SFMBT2: variants seen among roughly 807,000 people sequenced by gnomAD.
SFMBT2 encodes the protein Scm like with four mbt domains 2.
SFMBT2 carries 38 observed loss-of-function variants against 110.1 expected under a neutral mutation model. That is an observed-to-expected ratio of 0.35 (90% CI 0.27 to 0.45). SFMBT2 has a LOEUF of 0.45. Among genes scored for constraint, SFMBT2 ranks in the 20% least tolerant of loss-of-function variants. The pLI, the probability that SFMBT2 is intolerant of heterozygous loss-of-function variation, is 1.00. For missense variants in SFMBT2, 1,011 were observed against 1,094.9 expected, an observed-to-expected ratio of 0.92 and a Z score of 1.08; for synonymous variants, 425 against 425.4, an observed-to-expected ratio of 1.00 and a Z score of 0.01.
chr10:7,358,686 G>A (rs372283589), intron 4 of SFMBT2, among the ~76,000 whole-genome samples: 1 of 135,450 alleles, frequency 7.4e-6, no homozygotes, highest in East Asian at 2.0e-4. Flanking sequence ...ACTTGGCCCT[G>A]GAATGGAGGC....
chr10:7,205,748 G>A, intron 12 of SFMBT2, 67 bp downstream of exon 12: 6 of 1,542,672 alleles, frequency 3.9e-6, no homozygotes, highest in Non-Finnish European at 5.3e-6. Flanking sequence ...ATTTCTTTAT[G>A]AAGCTGCCAA....
chr10:7,329,307 G>A (rs1843493168), intron 4 of SFMBT2, among the ~76,000 whole-genome samples: 2 of 152,258 alleles, frequency 1.3e-5, no homozygotes, highest in South Asian at 4.1e-4. Context: ...GCAGAAGGAA[G>A]AGCCTCTGTT....
intron 1 of SFMBT2, among the ~76,000 whole-genome samples, chr10:7,391,868 T>C (rs11255105): frequency 0.026 from 3,923 of 152,300 alleles, 90 homozygotes; most frequent in Non-Finnish European, 0.038. Flanking sequence ...ATTTCTCGCG[T>C]CATTAAGATT....
intron 1 of SFMBT2, among the ~76,000 whole-genome samples, chr10:7,402,984 C>A (rs1846119633): frequency 6.6e-6 from 1 of 152,152 alleles, no homozygotes; most frequent in South Asian, 2.1e-4. Context: ...GGGGAGAAAA[C>A]TGATTTATAT....
intron 9 of SFMBT2, among the ~76,000 whole-genome samples, chr10:7,240,619 G>T (rs553530412): frequency 6.6e-6 from 1 of 151,824 alleles, no homozygotes; most frequent in Non-Finnish European, 1.5e-5. Flanking sequence ...CACTCTCAAC[G>T]GCAATGTCTA....
intron 12 of SFMBT2, chr10:7,203,185 C>T (rs1839014186): frequency 1.1e-6 from 1 of 883,558 alleles, no homozygotes; most frequent in South Asian, 5.2e-5. Flanking sequence ...TCCAACAAAA[C>T]TTCTAAAGCT....
chr10:7,276,805 C>T, intron 7 of SFMBT2, 87 bp downstream of exon 7: 1 of 750,332 alleles, frequency 1.3e-6, no homozygotes, highest in Non-Finnish European at 2.5e-6. Context: ...GGATTACAGG[C>T]ATGAGCCACT....
intron 7 of SFMBT2, among the ~76,000 whole-genome samples, chr10:7,262,995 CT>C (rs1841258626): frequency 6.6e-6 from 1 of 152,162 alleles, no homozygotes; most frequent in African/African-American, 2.4e-5. Flanking sequence ...CAAAGAGATT[CT>C]GTTTAACAAA....
chr10:7,178,227 C>A (rs1473496717), intron 16 of SFMBT2, among the ~76,000 whole-genome samples: 5 of 152,086 alleles, frequency 3.3e-5, no homozygotes, highest in African/African-American at 1.2e-4. Context: ...CCTGCTTGTA[C>A]CTTTCCTTCT....
chr10:7,255,526 C>A (rs1840973255), intron 7 of SFMBT2, among the ~76,000 whole-genome samples: 1 of 152,168 alleles, frequency 6.6e-6, no homozygotes, highest in Non-Finnish European at 1.5e-5. Context: ...TCATCACTAC[C>A]CATTTTTATT....
intron 1 of SFMBT2, among the ~76,000 whole-genome samples, chr10:7,388,818 G>A (rs1485755763): frequency 2.0e-5 from 3 of 152,184 alleles, no homozygotes; most frequent in Non-Finnish European, 4.4e-5. Context: ...CGAGCCCTGC[G>A]TGTCACTCTG....
intron 1 of SFMBT2, among the ~76,000 whole-genome samples, chr10:7,389,193 A>T (rs560697839): frequency 6.6e-6 from 1 of 152,224 alleles, no homozygotes; most frequent in East Asian, 1.9e-4. Context: ...GAGAATAATA[A>T]CCCACTTCAC....
chr10:7,218,643 A>C (rs562917868), intron 11 of SFMBT2, among the ~76,000 whole-genome samples: 1 of 152,358 alleles, frequency 6.6e-6, no homozygotes, highest in African/African-American at 2.4e-5. Context: ...GAATAAGAAA[A>C]AGATCGGACA....
chr10:7,394,402 C>T (rs1845864412), intron 1 of SFMBT2, among the ~76,000 whole-genome samples: 1 of 151,764 alleles, frequency 6.6e-6, no homozygotes, highest in Non-Finnish European at 1.5e-5. Context: ...CTTTTGCTCT[C>T]TCAGCCGACT....
Position 7,201,535 on chromosome 10 carries a change from T to A in SFMBT2, c.1487+945A>T, listed in dbSNP as rs531127505. 1.3e-3 allele frequency among the ~76,000 whole-genome samples: 194 copies of A among 152,246 alleles called. 1 individual carries two copies. Among genetic ancestry groups the A allele is most frequent in the Non-Finnish European group, 2.1e-3 (144 of 68,000 alleles). On this transcript the variant is annotated intron_variant, in intron 13 of 20. Coordinates refer to ENST00000397167, the MANE Select transcript of SFMBT2 (RefSeq NM_001387889.1). Reference sequence around the variant, plus strand: ...ATTTAGAACCAAACCCACAAAAAAATACCTACAGAGCTGCTCTTCTCATTC... The same window carrying A: ...ATTTAGAACCAAACCCACAAAAAAAAACCTACAGAGCTGCTCTTCTCATTC...
At chr10:7,190,764 C>T (rs1838573967) in intron 15 of SFMBT2, among the ~76,000 whole-genome samples, 1 of 152,160 alleles carries the variant, frequency 6.6e-6, no homozygotes. Flanking sequence ...CTGCCCCTGC[C>T]CCCAAACTAA....
At chr10:7,193,289 A>T (rs1440594715) in intron 15 of SFMBT2, among the ~76,000 whole-genome samples, 1 of 152,228 alleles carries the variant, frequency 6.6e-6, no homozygotes, top group Non-Finnish European at 1.5e-5. Flanking sequence ...AGGGGTGCCC[A>T]CAGATGGCCC....
chr10:7,287,382 G>T, intron 4 of SFMBT2: 1 of 243,994 alleles, frequency 4.1e-6, no homozygotes, highest in African/African-American at 2.3e-5. Flanking sequence ...CCCGGCCAAG[G>T]CATCTTTTGA....
chr10:7,406,988 G>C (rs182870510), intron 1 of SFMBT2, among the ~76,000 whole-genome samples: 186 of 152,028 alleles, frequency 1.2e-3, no homozygotes, highest in African/African-American at 3.8e-3. Flanking sequence ...GGGTTGGCGG[G>C]GGGGGAGGGA....
Sources: gnomAD v4.1 joint callset for allele counts (sites outside exome capture counted in the v4.1 genomes callset) on GRCh38, gnomAD v4.1.1 for gene constraint, MANE v1.5 for transcripts, NCBI Gene and HGNC (gene_info 2026-07-23, HGNC 2026-07-21) for gene names.